The following PCDHA3 variants were observed in gnomAD, a reference collection of about 807,000 sequenced individuals.
PCDHA3 encodes the protein protocadherin alpha-3.
In PCDHA3, 41 loss-of-function variants were observed where a neutral mutation model predicts 62.2. The ratio of observed to expected loss-of-function variants is 0.66; its 90% confidence interval spans 0.51 to 0.86. The LOEUF (loss-of-function observed/expected upper bound fraction) is 0.86, where lower values mean the gene tolerates loss of function less well. Ranked by LOEUF, PCDHA3 falls within the 40% of genes least tolerant of loss-of-function variation. The pLI is 0.00. For synonymous variants in PCDHA3, 640 were observed against 555.4 expected (o/e 1.15, Z -2.14); for missense variants, 1,304 against 1,241.2 (o/e 1.05, Z -0.76).
chr5:141,001,448 G>A (rs1465333650), intron 3 of PCDHA3, among the ~76,000 whole-genome samples: 1 of 152,190 alleles, frequency 6.6e-6, no homozygotes, highest in Non-Finnish European at 1.5e-5. Context: ...TCTTTCCACT[G>A]TCAATTGAAG....
chr5:140,857,895 G>A lies in PCDHA3; in HGVS notation c.2394+54304G>A, dbSNP rs373881159. Reference sequence around the variant, plus strand: ...TATGAATTGCAGTCGGCGGCGGTTGGTGCACGCATCCCGTTTCGCGTGGGG... The same window carrying A: ...TATGAATTGCAGTCGGCGGCGGTTGATGCACGCATCCCGTTTCGCGTGGGG... On this transcript the variant is annotated intron_variant, in intron 1 of 3. Transcript: ENST00000522353. The A allele has an allele frequency of 3.9e-5, 62 of 1,597,752 alleles. 5 individuals carry two copies. Among genetic ancestry groups the A allele is most frequent in the Non-Finnish European group, 5.1e-5 (59 of 1,167,572 alleles).
chr5:140,867,681 A>T (rs759356211), intron 1 of PCDHA3: 1 of 152,096 alleles, frequency 6.6e-6, no homozygotes, highest in African/African-American at 2.4e-5. Context: ...ATTTTGTTGC[A>T]TCTTCTTTTT....
intron 1 of PCDHA3, chr5:140,969,258 A>G (rs782513796): frequency 9.3e-6 from 15 of 1,614,106 alleles, no homozygotes; most frequent in Admixed American, 8.3e-5. Context: ...GACAGCAGGA[A>G]TCTCACAGGC....
chr5:140,833,693 T>C (rs1463559850), intron 1 of PCDHA3, among the ~76,000 whole-genome samples: 1 of 152,176 alleles, frequency 6.6e-6, no homozygotes, highest in African/African-American at 2.4e-5. Flanking sequence ...TCTCTTATTT[T>C]GTTTTCCCAA....
At chr5:140,876,433 A>G (rs1562712994) in intron 1 of PCDHA3, 19 of 1,614,000 alleles carry the variant, frequency 1.2e-5, no homozygotes, top group Non-Finnish European at 1.6e-5. Flanking sequence ...AATTCAGGTT[A>G]ACGCCATTGA....
intron 1 of PCDHA3, chr5:140,860,573 A>G (rs1299479847): frequency 6.6e-6 from 1 of 152,226 alleles, no homozygotes; most frequent in Non-Finnish European, 1.5e-5. Context: ...ATCATACACA[A>G]GAAGGTATAG....
intron 1 of PCDHA3, among the ~76,000 whole-genome samples, chr5:140,911,590 C>A (rs778543832): frequency 3.3e-5 from 5 of 152,156 alleles, no homozygotes; most frequent in Non-Finnish European, 4.4e-5. Context: ...TAGGAGGAAC[C>A]AACCAACTTC....
chr5:140,835,763 T>C (rs2150244307), intron 1 of PCDHA3: 12 of 1,613,224 alleles, frequency 7.4e-6, no homozygotes, highest in South Asian at 5.5e-5. Flanking sequence ...AGCCCGAGTA[T>C]ACGGTGTTCG....
chr5:140,827,852 A>C (rs1554130902), intron 1 of PCDHA3: 2 of 494,614 alleles, frequency 4.0e-6, no homozygotes, highest in Non-Finnish European at 6.9e-6. Context: ...ACTGTTTTAA[A>C]AATATATGGT....
intron 1 of PCDHA3, chr5:140,821,874 G>A (rs199540221): frequency 2.2e-5 from 35 of 1,614,080 alleles, no homozygotes; most frequent in African/African-American, 4.0e-5. Context: ...TCCACTACTC[G>A]ATCCCGGAGG....
chr5:141,010,073 T>C lies in PCDHA3; in HGVS notation c.*136T>C. On this transcript the variant is annotated 3_prime_UTR_variant, in exon 4 of 4. Coordinates refer to ENST00000522353, the MANE Select transcript of PCDHA3 (RefSeq NM_018906.3). ...CCTCAGAAATCTGCAGAAAGTTCCC[T>C]GTGTCTGTCTAGAACGCATTTAACA... 6.2e-7 allele frequency: 1 copy of C among 1,606,602 alleles called. No individual in the cohort carries two copies. The highest frequency in any genetic ancestry group is 1.7e-5 in the Admixed American group (1 of 59,096).
intron 1 of PCDHA3, among the ~76,000 whole-genome samples, chr5:140,910,535 T>G (rs2153515129): frequency 6.6e-6 from 1 of 152,274 alleles, no homozygotes; most frequent in African/African-American, 2.4e-5. Flanking sequence ...CCCTCACAAA[T>G]CTATTTTGCA....
At chr5:140,863,308 G>A (rs782229195) in intron 1 of PCDHA3, 4 of 1,462,176 alleles carry the variant, frequency 2.7e-6, no homozygotes, top group Non-Finnish European at 3.7e-6. Context: ...CGCCATCTGC[G>A]TGGTGTCCAG....
rs185992249 is a variant in PCDHA3 at position 140,825,788 on chromosome 5, G to A, written c.2394+22197G>A. 348 of 152,420 alleles carry A rather than the reference G, an allele frequency of 2.3e-3. 1 individual carries two copies. The highest frequency in any genetic ancestry group is 4.4e-3 in the Non-Finnish European group (300 of 67,998). The allele number at this position is 152,420 out of a possible 1,614,324, so 9.4% of individuals were successfully genotyped here. On this transcript the variant is annotated intron_variant, in intron 1 of 3. Transcript: ENST00000522353. ...GTTGTGCAAATTCTACTATATTTTG[G>A]TTGGGAAATTTTACTGCTTGTTGTT... is the stretch of plus-strand genomic sequence containing the variant.
At chr5:140,832,047 A>G (rs1581927346) in intron 1 of PCDHA3, among the ~76,000 whole-genome samples, 1 of 152,250 alleles carries the variant, frequency 6.6e-6, no homozygotes, top group Non-Finnish European at 1.5e-5. Flanking sequence ...TAGTGAGGCC[A>G]TAATTACCAA....
intron 1 of PCDHA3, chr5:140,871,695 T>A: frequency 1.0e-6 from 1 of 974,906 alleles, no homozygotes; most frequent in Non-Finnish European, 1.5e-6. Context: ...CTGGCTTCTT[T>A]AACCAATAAA....
At chr5:140,959,269 C>A (rs1334380683) in intron 1 of PCDHA3, among the ~76,000 whole-genome samples, 1 of 151,924 alleles carries the variant, frequency 6.6e-6, no homozygotes, top group Non-Finnish European at 1.5e-5. Flanking sequence ...CCCAGCTACC[C>A]AGGAGCCTGA....
At chr5:140,996,650 G>A (rs943173536) in intron 3 of PCDHA3, among the ~76,000 whole-genome samples, 2 of 152,042 alleles carry the variant, frequency 1.3e-5, no homozygotes, top group Non-Finnish European at 2.9e-5. Context: ...GTTAATCCTG[G>A]GTGCAGGCTA....
At chr5:140,804,855 A>G in intron 1 of PCDHA3, 1 of 522,514 alleles carries the variant, frequency 1.9e-6, no homozygotes, top group Non-Finnish European at 3.3e-6. Flanking sequence ...GAGGTCTAAC[A>G]CGTAAAATAG....
Sources: gnomAD v4.1 joint callset for allele counts (sites outside exome capture counted in the v4.1 genomes callset) on GRCh38, gnomAD v4.1.1 for gene constraint, MANE v1.5 for transcripts, NCBI Gene and HGNC (gene_info 2026-07-23, HGNC 2026-07-21) for gene names.